Variants in TANC2 observed in about 807,000 individuals in gnomAD.
TANC2 encodes tetratricopeptide repeat, ankyrin repeat and coiled-coil containing 2.
TANC2 carries 26 observed loss-of-function variants against 210.5 expected under a neutral mutation model. The ratio of observed to expected loss-of-function variants is 0.12; its 90% CI spans 0.09 to 0.17. TANC2 has a LOEUF of 0.17. TANC2 is among the 10% of genes least tolerant of loss of function. TANC2 has a pLI of 1.00. For synonymous variants in TANC2, 931 were observed against 967.1 expected (o/e 0.96, Z 0.69); for missense variants, 2,129 against 2,608.9 (o/e 0.82, Z 4.01).
chr17:63,276,065 A>G (rs939412681), intron 9 of TANC2, among the ~76,000 whole-genome samples: 1 of 152,142 alleles, frequency 6.6e-6, no homozygotes, highest in Middle Eastern at 3.2e-3. Context: ...AAGACTTTGC[A>G]AAAAAATTTT....
intron 2 of TANC2, among the ~76,000 whole-genome samples, chr17:63,055,985 AAAAAAATATATATATATATAT>A (rs1419570786): frequency 1.8e-3 from 30 of 16,824 alleles, no homozygotes; most frequent in South Asian, 3.6e-3. Flanking sequence ...AAAAAAAAAA[AAAAAAATATATATATATATAT>A]ATATATATAT....
chr17:63,010,677 CA>C (rs1410381096), intron 2 of TANC2, among the ~76,000 whole-genome samples: 7 of 152,146 alleles, frequency 4.6e-5, no homozygotes, highest in African/African-American at 1.7e-4. Flanking sequence ...GACTTGGCTA[CA>C]AATCGGAGGT....
chr17:62,986,764 T>C (rs2032587807), intron 1 of TANC2, among the ~76,000 whole-genome samples: 1 of 152,030 alleles, frequency 6.6e-6, no homozygotes, highest in South Asian at 2.1e-4. Flanking sequence ...AAGGGCAGCC[T>C]GTGGGGCTGC....
intron 2 of TANC2, among the ~76,000 whole-genome samples, chr17:63,057,046 TC>T (rs1396198259): frequency 6.6e-6 from 1 of 152,078 alleles, no homozygotes. Flanking sequence ...CAGGCTGGCC[TC>T]CAACTCCTGG....
chr17:62,975,495 AC>A (rs2031947568), intron 1 of TANC2, among the ~76,000 whole-genome samples: 1 of 151,392 alleles, frequency 6.6e-6, no homozygotes, highest in Non-Finnish European at 1.5e-5. Flanking sequence ...AACCACATAC[AC>A]CCATATTCTG....
intron 4 of TANC2, among the ~76,000 whole-genome samples, chr17:63,144,397 A>C (rs964158625): frequency 2.0e-5 from 3 of 152,180 alleles, no homozygotes; most frequent in Non-Finnish European, 4.4e-5. Flanking sequence ...CACTGCATAC[A>C]TGTTATATTT....
chr17:63,250,159 TA>T (rs1356387280), intron 8 of TANC2, among the ~76,000 whole-genome samples: 1 of 152,180 alleles, frequency 6.6e-6, no homozygotes, highest in Admixed American at 6.5e-5. Context: ...ATTTACTTTT[TA>T]AAGCTTTTTC....
At chr17:63,139,694 G>A (rs1300982333) in intron 4 of TANC2, among the ~76,000 whole-genome samples, 1 of 152,136 alleles carries the variant, frequency 6.6e-6, no homozygotes, top group Non-Finnish European at 1.5e-5. Flanking sequence ...TTGAAGCAAG[G>A]AGTTTGAGAT....
At chr17:63,014,973 A>G (rs1284431887) in intron 2 of TANC2, among the ~76,000 whole-genome samples, 1 of 152,158 alleles carries the variant, frequency 6.6e-6, no homozygotes, top group African/African-American at 2.4e-5. Context: ...AATAAATGTT[A>G]TATTAAGAGA....
Position 63,420,798 on chromosome 17 carries a change from C to T in TANC2, c.5068C>T (p.Gln1690Ter), listed in dbSNP as rs758495961. The T allele has an allele frequency of 6.2e-7, 1 of 1,614,042 alleles. No individual in the cohort carries two copies. Among genetic ancestry groups the T allele is most frequent in the Non-Finnish European group, 8.5e-7 (1 of 1,179,890 alleles). The stretch of plus-strand genomic sequence containing the variant: ...AGTTCCCCAGCAAGGGCTCAGGCTA[C>T]AGCCTGCCAAGGCCCAGATTGTGAG... Residue 1690 changes from glutamine (Q) to a stop codon, truncating the protein, a stop_gained, in exon 28 of 28, where the codon CAG (glutamine) becomes TAG (stop). Transcript: ENST00000689528. LOFTEE classifies it high-confidence loss of function. The surrounding 1 kb of genome is among the most constrained non-coding windows in gnomAD (Gnocchi z 4.2).
intron 9 of TANC2, among the ~76,000 whole-genome samples, chr17:63,292,704 G>C (rs1053640667): frequency 6.6e-5 from 10 of 152,160 alleles, no homozygotes; most frequent in Non-Finnish European, 1.5e-4. Context: ...GGGATGGGGT[G>C]ATTATGATTA....
chr17:63,220,715 AAAAAAT>A (rs1365050529), intron 7 of TANC2, among the ~76,000 whole-genome samples: 6 of 138,826 alleles, frequency 4.3e-5, no homozygotes, highest in African/African-American at 1.4e-4. Flanking sequence ...AAAAAAAAAA[AAAAAAT>A]ATATATATAT....
At chr17:63,133,624 C>T (rs1483398115) in intron 4 of TANC2, among the ~76,000 whole-genome samples, 5 of 152,156 alleles carry the variant, frequency 3.3e-5, no homozygotes, top group Non-Finnish European at 7.3e-5. Context: ...AAGTCTGTTT[C>T]TTCCTCAGTT....
At chr17:63,262,589 A>G (rs928262095) in intron 8 of TANC2, among the ~76,000 whole-genome samples, 1 of 150,734 alleles carries the variant, frequency 6.6e-6, no homozygotes, top group East Asian at 1.9e-4. Context: ...AGGATGTCCT[A>G]AGTCTTCATT....
intron 9 of TANC2, among the ~76,000 whole-genome samples, chr17:63,270,953 T>C (rs1025423144): frequency 1.3e-5 from 2 of 152,168 alleles, no homozygotes; most frequent in Non-Finnish European, 2.9e-5. Context: ...TCACCAAGGA[T>C]AACAGCCTCC....
At chr17:63,099,503 A>C (rs1374018461) in intron 4 of TANC2, 146 bp downstream of exon 4, 4 of 438,728 alleles carry the variant, frequency 9.1e-6, no homozygotes, top group Admixed American at 7.6e-5. Flanking sequence ...TAAAAAAAAA[A>C]CTCCAACTGA....
intron 9 of TANC2, among the ~76,000 whole-genome samples, chr17:63,286,705 A>C (rs1318076077): frequency 6.6e-6 from 1 of 152,020 alleles, no homozygotes; most frequent in Non-Finnish European, 1.5e-5. Context: ...TCTTTCCCCC[A>C]CCTTCAGAGA....
intron 3 of TANC2, among the ~76,000 whole-genome samples, chr17:63,083,621 A>G (rs1286783145): frequency 6.6e-6 from 1 of 152,202 alleles, no homozygotes; most frequent in Non-Finnish European, 1.5e-5. Context: ...TAGTAAACTC[A>G]GTACCACTTC....
At chr17:63,333,324 T>C (rs1780034556) in intron 11 of TANC2, among the ~76,000 whole-genome samples, 1 of 152,118 alleles carries the variant, frequency 6.6e-6, no homozygotes, top group South Asian at 2.1e-4. Flanking sequence ...TTGGAAGAAA[T>C]TAATTTTAAC....
Sources: allele counts gnomAD v4.1 joint callset (sites outside exome capture counted in the v4.1 genomes callset), GRCh38; gene constraint gnomAD v4.1.1; non-coding constraint Gnocchi (gnomAD v3.1); transcripts MANE v1.5; gene names NCBI Gene and HGNC (gene_info 2026-07-23, HGNC 2026-07-21).